The following USH2A variants were observed in gnomAD, a reference collection of about 807,000 sequenced individuals.
The protein encoded by USH2A is Usher syndrome 2A (autosomal recessive, mild).
USH2A carries 443 observed loss-of-function variants against 538.9 expected under a neutral mutation model. The observed-to-expected ratio is 0.82, with a 90% CI of 0.76 to 0.89. The LOEUF (loss-of-function observed/expected upper bound fraction) is 0.89. Among genes scored for constraint, USH2A ranks in the 40% least tolerant of loss-of-function variants. The pLI, the probability that USH2A is intolerant of heterozygous loss-of-function variation, is 0.00. For synonymous variants in USH2A, 2,413 were observed against 2,273.5 expected, an observed-to-expected ratio of 1.06 and a Z score of -1.75; for missense variants, 6,633 against 6,324.8, an observed-to-expected ratio of 1.05 and a Z score of -1.65.
At chr1:215,969,864 A>G (rs1363775825) in intron 36 of USH2A, among the ~76,000 whole-genome samples, 1 of 152,180 alleles carries the variant, frequency 6.6e-6, no homozygotes, top group Non-Finnish European at 1.5e-5. Flanking sequence ...GCCAAAAAAT[A>G]TCTAAGACTA....
At chr1:216,291,013 CACTA>C (rs2036989887) in intron 10 of USH2A, among the ~76,000 whole-genome samples, 1 of 152,166 alleles carries the variant, frequency 6.6e-6, no homozygotes, top group Non-Finnish European at 1.5e-5. Context: ...TGCAGCACCT[CACTA>C]ACTAGTTTTC....
In USH2A at chr1:216,156,238, T is replaced by C. The variant is rs1424411245; in HGVS notation, c.4627+19014A>G. 2.0e-5 allele frequency among the ~76,000 whole-genome samples: 3 copies of C among 151,810 alleles called. No individual in the cohort carries two copies. In the East Asian group the frequency reaches 5.8e-4, roughly 29 times the overall value. On this transcript the variant is annotated intron_variant, in intron 21 of 71. Transcript: ENST00000307340. ...AGACATTGATACATGATACTTTCTCTACCTGGACTCCTTTACTTTCCTTCT... is the reference window on the plus strand; with the variant it reads ...AGACATTGATACATGATACTTTCTCCACCTGGACTCCTTTACTTTCCTTCT...
intron 61 of USH2A, among the ~76,000 whole-genome samples, chr1:215,719,421 A>G (rs1659589704): frequency 6.6e-6 from 1 of 151,884 alleles, no homozygotes; most frequent in Non-Finnish European, 1.5e-5. Flanking sequence ...AAGGAAATAG[A>G]ACCTAATCCA....
intron 12 of USH2A, among the ~76,000 whole-genome samples, chr1:216,250,354 C>A (rs958628634): frequency 1.3e-5 from 2 of 151,874 alleles, no homozygotes; most frequent in Non-Finnish European, 2.9e-5. Context: ...ATTATGTAGC[C>A]CTTTGTAAGT....
intron 20 of USH2A, among the ~76,000 whole-genome samples, chr1:216,185,950 A>G (rs556249616): frequency 6.6e-6 from 1 of 152,044 alleles, no homozygotes; most frequent in East Asian, 1.9e-4. Context: ...AACCCTAAAA[A>G]TGATGTATTT....
In USH2A at chr1:215,623,286, A is replaced by G. The variant is rs1655868846; in HGVS notation, c.*2495T>C. 6.6e-6 allele frequency: 1 copy of G among 152,144 alleles called. No individual in the cohort carries two copies. The highest frequency in any genetic ancestry group is 6.5e-5 in the Admixed American group (1 of 15,282). 9.4% of individuals were successfully genotyped at this position (152,144 alleles called of 1,614,324 possible). A position where few individuals can be genotyped will look rare whatever the true frequency, so the allele number is the denominator to read the frequency against. On this transcript the variant is annotated 3_prime_UTR_variant, in exon 72 of 72. Transcript: ENST00000307340. ...AGATTTAAATTTAAAGAGGTTCATCAAGAACTGCTCATTGTTTATAAGGGA... is the reference window on the plus strand; with the variant it reads ...AGATTTAAATTTAAAGAGGTTCATCGAGAACTGCTCATTGTTTATAAGGGA...
chr1:216,307,547 A>G (rs2037341467), intron 9 of USH2A, among the ~76,000 whole-genome samples: 1 of 152,158 alleles, frequency 6.6e-6, no homozygotes. Flanking sequence ...GCCTGATGCA[A>G]CTTCTGTGCT....
intron 60 of USH2A, among the ~76,000 whole-genome samples, chr1:215,735,005 T>G (rs1048012711): frequency 6.6e-6 from 1 of 152,220 alleles, no homozygotes; most frequent in South Asian, 2.1e-4. Flanking sequence ...GGTATCTTCA[T>G]AGCAACACGC....
chr1:216,227,975 G>T (rs116327428), intron 14 of USH2A, among the ~76,000 whole-genome samples: 1 of 152,078 alleles, frequency 6.6e-6, no homozygotes, highest in Non-Finnish European at 1.5e-5. Context: ...ACTCAAAAGG[G>T]TCATAATTAA....
intron 16 of USH2A, among the ~76,000 whole-genome samples, chr1:216,200,715 A>G (rs909255278): frequency 6.6e-6 from 1 of 152,212 alleles, no homozygotes; most frequent in Non-Finnish European, 1.5e-5. Flanking sequence ...AAAGAGAAGC[A>G]GCTACAAAGA....
intron 55 of USH2A, 41 bp downstream of exon 55, chr1:215,779,802 A>G: frequency 1.2e-6 from 2 of 1,607,626 alleles, no homozygotes; most frequent in Non-Finnish European, 1.7e-6. Context: ...CCACAATGAC[A>G]GACTCCTCCA....
chr1:215,897,054 C>T (rs948336977), intron 40 of USH2A, among the ~76,000 whole-genome samples: 3 of 151,982 alleles, frequency 2.0e-5, no homozygotes, highest in Non-Finnish European at 4.4e-5. Flanking sequence ...GTGTAAATGA[C>T]AAATTATTTG....
intron 3 of USH2A, among the ~76,000 whole-genome samples, chr1:216,415,530 T>C (rs2039563345): frequency 1.3e-5 from 1 of 76,090 alleles, no homozygotes. Context: ...TTTTTTTTTT[T>C]TTTCAGACAG....
At chr1:216,376,003 G>A (rs970535034) in intron 3 of USH2A, among the ~76,000 whole-genome samples, 6 of 151,922 alleles carry the variant, frequency 3.9e-5, no homozygotes, top group African/African-American at 1.2e-4. Flanking sequence ...ATATTGGTGT[G>A]GTTCATGGCA....
At chr1:216,389,888 A>G (rs2039073990) in intron 3 of USH2A, among the ~76,000 whole-genome samples, 2 of 152,150 alleles carry the variant, frequency 1.3e-5, no homozygotes, top group South Asian at 2.1e-4. Context: ...ATGCATTTCT[A>G]CTAATGCTCA....
At chr1:216,001,793 G>T (rs1161797577) in intron 32 of USH2A, among the ~76,000 whole-genome samples, 3 of 152,058 alleles carry the variant, frequency 2.0e-5, no homozygotes, top group Admixed American at 6.6e-5. Context: ...TGATTTTCAT[G>T]CAAAGTACAA....
intron 32 of USH2A, among the ~76,000 whole-genome samples, chr1:216,006,257 G>A (rs747555085): frequency 2.0e-5 from 3 of 152,068 alleles, no homozygotes; most frequent in Non-Finnish European, 4.4e-5. Flanking sequence ...TGCACTCTCT[G>A]ACCACAAACT....
chr1:216,122,595 G>T (rs1257208379), intron 21 of USH2A, among the ~76,000 whole-genome samples: 1 of 152,184 alleles, frequency 6.6e-6, no homozygotes, highest in Non-Finnish European at 1.5e-5. Context: ...AGAACCAAGA[G>T]AGAAAATGGG....
chr1:216,017,206 T>C (rs770412013), intron 32 of USH2A, among the ~76,000 whole-genome samples: 4 of 152,002 alleles, frequency 2.6e-5, no homozygotes, highest in Non-Finnish European at 5.9e-5. Context: ...GTTCTCTCTC[T>C]ATCTTGCTAT....
Sources: gnomAD v4.1 joint callset for allele counts (sites outside exome capture counted in the v4.1 genomes callset) on GRCh38, gnomAD v4.1.1 for gene constraint, MANE v1.5 for transcripts, NCBI Gene and HGNC (gene_info 2026-07-23, HGNC 2026-07-21) for gene names.